Variants in GMDS observed in about 807,000 individuals in gnomAD.
The protein encoded by GMDS is GDP-mannose 4,6-dehydratase.
In GMDS, 20 loss-of-function variants were observed where a neutral mutation model predicts 49.9. The ratio of observed to expected loss-of-function variants is 0.40; its 90% CI spans 0.28 to 0.58. The LOEUF is 0.58. Among genes scored for constraint, GMDS ranks in the 20% least tolerant of loss-of-function variants. GMDS has a pLI of 0.42. For synonymous variants in GMDS, 177 were observed against 178.6 expected (o/e 0.99, Z 0.07); for missense variants, 362 against 481.4 (o/e 0.75, Z 2.32).
chr6:2,080,905 C>G (rs1772653290), intron 4 of GMDS, among the ~76,000 whole-genome samples: 1 of 152,158 alleles, frequency 6.6e-6, no homozygotes, highest in Admixed American at 6.5e-5. Context: ...CAACCTAATA[C>G]TGCTGATATT....
chr6:2,195,810 T>G (rs1779253230), intron 1 of GMDS, among the ~76,000 whole-genome samples: 1 of 150,114 alleles, frequency 6.7e-6, no homozygotes, highest in African/African-American at 2.4e-5. Flanking sequence ...AAGAAAGACC[T>G]TGTCTCTACC....
At chr6:1,705,436 C>G (rs1189150406) in intron 9 of GMDS, among the ~76,000 whole-genome samples, 3 of 152,200 alleles carry the variant, frequency 2.0e-5, no homozygotes, top group African/African-American at 7.2e-5. Context: ...TTGTAGTTAC[C>G]CTAATCCCAT....
intron 9 of GMDS, among the ~76,000 whole-genome samples, chr6:1,648,359 C>A (rs932796573): frequency 6.6e-6 from 1 of 152,196 alleles, no homozygotes; most frequent in Non-Finnish European, 1.5e-5. Flanking sequence ...CCTTTCTCTC[C>A]AGCGTCATGC....
chr6:1,701,194 G>A (rs1014937156), intron 9 of GMDS, among the ~76,000 whole-genome samples: 3 of 152,136 alleles, frequency 2.0e-5, no homozygotes, highest in East Asian at 1.9e-4. Flanking sequence ...CAATCTGTCC[G>A]AAGGGATAAA....
intron 7 of GMDS, among the ~76,000 whole-genome samples, chr6:1,794,019 C>T (rs747113447): frequency 6.6e-6 from 1 of 152,084 alleles, no homozygotes; most frequent in Non-Finnish European, 1.5e-5. Context: ...GGGATGAAGA[C>T]GGATACTTCT....
chr6:2,201,510 T>C (rs879023367), intron 1 of GMDS, among the ~76,000 whole-genome samples: 7 of 92,964 alleles, frequency 7.5e-5, no homozygotes, highest in Admixed American at 1.1e-4. Flanking sequence ...AGCAGAGAGG[T>C]GAAGGATGAA....
chr6:1,705,430 A>G (rs1032191918), intron 9 of GMDS, among the ~76,000 whole-genome samples: 1 of 152,220 alleles, frequency 6.6e-6, no homozygotes, highest in Non-Finnish European at 1.5e-5. Context: ...GTAAGTTTGT[A>G]GTTACCCTAA....
intron 7 of GMDS, among the ~76,000 whole-genome samples, chr6:1,915,139 C>CT (rs1221261620): frequency 6.6e-6 from 1 of 152,212 alleles, no homozygotes; most frequent in East Asian, 1.9e-4. Context: ...AGTGGTTTTG[C>CT]TTTTCCCATA....
intron 7 of GMDS, among the ~76,000 whole-genome samples, chr6:1,851,661 G>A (rs1379861279): frequency 1.3e-5 from 2 of 152,104 alleles, no homozygotes; most frequent in South Asian, 2.1e-4. Context: ...CAGTATTCCA[G>A]TATTGGGGAG....
rs577237916 is a variant in GMDS, at chr6:1,928,548, C to G, written c.771+1555G>C. Among the ~76,000 whole-genome samples, 6 of 152,256 alleles carry G rather than the reference C, an allele frequency of 3.9e-5. No homozygotes were observed. The South Asian group carries it at 1.2e-3, about 32-fold the overall frequency. On this transcript the variant is annotated intron_variant, in intron 7 of 10. Coordinates refer to ENST00000380815, the MANE Select transcript of GMDS (RefSeq NM_001500.4). ...CAAAAGAAAGTTTTGGCTTCTCTTG[C>G]CAGTATCTACTTTCTCATAATTTCT...
chr6:2,071,960 AG>A (rs1254209694), intron 4 of GMDS, among the ~76,000 whole-genome samples: 3 of 152,204 alleles, frequency 2.0e-5, no homozygotes, highest in African/African-American at 7.2e-5. Context: ...GGGGGAAAAA[AG>A]AGTAAAAGTG....
intron 7 of GMDS, among the ~76,000 whole-genome samples, chr6:1,925,707 A>C (rs1007638356): frequency 6.6e-6 from 1 of 152,186 alleles, no homozygotes; most frequent in African/African-American, 2.4e-5. Flanking sequence ...AGAGGTTGTG[A>C]TACGGAAGAG....
intron 9 of GMDS, among the ~76,000 whole-genome samples, chr6:1,693,622 C>T (rs970523594): frequency 1.3e-5 from 2 of 152,152 alleles, no homozygotes; most frequent in African/African-American, 4.8e-5. Flanking sequence ...GGCAGGAGGG[C>T]AAATCTGTCC....
chr6:1,748,231 G>C (rs1351862254), intron 7 of GMDS, among the ~76,000 whole-genome samples: 1 of 151,974 alleles, frequency 6.6e-6, no homozygotes, highest in Admixed American at 6.5e-5. Flanking sequence ...CAGTTTTCTA[G>C]GATATTATCT....
At chr6:2,099,732 T>C (rs998759818) in intron 4 of GMDS, among the ~76,000 whole-genome samples, 2 of 152,118 alleles carry the variant, frequency 1.3e-5, no homozygotes, top group Non-Finnish European at 1.5e-5. Context: ...TTTCCACTAT[T>C]CTGCATTAAG....
At chr6:2,224,146 G>A (rs1780718922) in intron 1 of GMDS, among the ~76,000 whole-genome samples, 1 of 152,180 alleles carries the variant, frequency 6.6e-6, no homozygotes, top group South Asian at 2.1e-4. Flanking sequence ...GTAGGATGGG[G>A]AAAGCAACCA....
At chr6:1,659,492 G>C (rs1338909992) in intron 9 of GMDS, among the ~76,000 whole-genome samples, 1 of 152,104 alleles carries the variant, frequency 6.6e-6, no homozygotes, top group East Asian at 1.9e-4. Context: ...GGGTGTGATA[G>C]GGTGTTGTAC....
chr6:1,940,953 C>A (rs774154314), intron 6 of GMDS, among the ~76,000 whole-genome samples: 8 of 152,100 alleles, frequency 5.3e-5, no homozygotes, highest in South Asian at 4.1e-4. Context: ...CAGGAGCACC[C>A]CCTCAATTAT....
chr6:2,006,287 G>A (rs887058487), intron 4 of GMDS, among the ~76,000 whole-genome samples: 9 of 151,028 alleles, frequency 6.0e-5, no homozygotes, highest in Non-Finnish European at 1.0e-4. Flanking sequence ...AAATAGCCAA[G>A]AGTAGTGGCC....
Sources: allele counts gnomAD v4.1 joint callset (sites outside exome capture counted in the v4.1 genomes callset), GRCh38; gene constraint gnomAD v4.1.1; transcripts MANE v1.5; gene names NCBI Gene and HGNC (gene_info 2026-07-23, HGNC 2026-07-21).